Variants in DSCAM observed in about 807,000 individuals in gnomAD.
The protein encoded by DSCAM is DS cell adhesion molecule, also known as cell adhesion molecule DSCAM.
A neutral mutation model predicts 217.7 loss-of-function variants in DSCAM; 47 were observed. The ratio of observed to expected loss-of-function variants is 0.22; its 90% CI spans 0.17 to 0.28. The LOEUF (loss-of-function observed/expected upper bound fraction) is 0.28. Among genes scored for constraint, DSCAM ranks in the 10% least tolerant of loss-of-function variants. The pLI is 1.00. For missense variants in DSCAM, 2,080 were observed against 2,618.3 expected (o/e 0.79, Z 4.49); for synonymous variants, 1,056 against 1,015.3 (o/e 1.04, Z -0.76).
At chr21:40,525,771 A>G (rs1289826324) in intron 3 of DSCAM, among the ~76,000 whole-genome samples, 1 of 152,230 alleles carries the variant, frequency 6.6e-6, no homozygotes. Context: ...CAGAAAATTC[A>G]CTTAATGTTT....
At chr21:40,381,108 G>T (rs1056404757) in intron 3 of DSCAM, among the ~76,000 whole-genome samples, 3 of 139,014 alleles carry the variant, frequency 2.2e-5, no homozygotes, top group Non-Finnish European at 4.7e-5. Context: ...ATAGGACATA[G>T]AACTCGCCTG....
intron 3 of DSCAM, among the ~76,000 whole-genome samples, chr21:40,434,780 T>C (rs1283596780): frequency 6.6e-6 from 1 of 152,124 alleles, no homozygotes; most frequent in African/African-American, 2.4e-5. Context: ...ATACAACATG[T>C]GTCACAAAAA....
In DSCAM at chr21:40,571,003, T is replaced by A. The variant is rs115694551; in HGVS notation, c.508+121807A>T. 1.5e-3 allele frequency among the ~76,000 whole-genome samples: 227 copies of A among 152,172 alleles called. 1 individual carries two copies. Among genetic ancestry groups the A allele is most frequent in the African/African-American group, 5.3e-3 (222 of 41,532 alleles). On this transcript the variant is annotated intron_variant, in intron 3 of 32. Transcript: ENST00000400454. ...AGTTAAGGAAATACAGCAAGGTACATACCCAAGAAGATTAGCAAACCACAA... is the reference window on the plus strand; with the variant it reads ...AGTTAAGGAAATACAGCAAGGTACAAACCCAAGAAGATTAGCAAACCACAA...
chr21:40,124,454 G>T (rs114744513), intron 19 of DSCAM, 126 bp from the exon 20 acceptor site: 2 of 1,213,764 alleles, frequency 1.6e-6, no homozygotes, highest in South Asian at 1.4e-5. Flanking sequence ...TATGGGTTCC[G>T]CTGTGTCCCC....
intron 3 of DSCAM, among the ~76,000 whole-genome samples, chr21:40,620,217 GA>G (rs2089477967): frequency 1.2e-5 from 1 of 81,264 alleles, no homozygotes; most frequent in Non-Finnish European, 2.5e-5. Context: ...GAAAGAGAGA[GA>G]AAAAAGAAAA....
At chr21:40,192,390 G>T (rs902540751) in intron 11 of DSCAM, among the ~76,000 whole-genome samples, 1 of 152,176 alleles carries the variant, frequency 6.6e-6, no homozygotes, top group Non-Finnish European at 1.5e-5. Context: ...TCGTGATAGT[G>T]AGTGAGGTCT....
intron 21 of DSCAM, 21 bp from the exon 22 acceptor site, chr21:40,087,308 G>C (rs201942844): frequency 3.7e-5 from 59 of 1,580,522 alleles, no homozygotes; most frequent in Non-Finnish European, 1.8e-5. Flanking sequence ...AAACAAAGTG[G>C]AATCCTGATT....
At chr21:40,534,523 G>A (rs1037831218) in intron 3 of DSCAM, among the ~76,000 whole-genome samples, 3 of 152,118 alleles carry the variant, frequency 2.0e-5, no homozygotes, top group Admixed American at 6.5e-5. Flanking sequence ...TGTGTACCCC[G>A]CCTTGATGTG....
chr21:40,705,963 G>A (rs2735316), intron 2 of DSCAM, among the ~76,000 whole-genome samples: 4 of 152,026 alleles, frequency 2.6e-5, no homozygotes, highest in African/African-American at 4.8e-5. Flanking sequence ...GGCAGATCAC[G>A]AGGTCAGGAG....
chr21:40,132,489 A>T (rs1809731103), intron 19 of DSCAM, among the ~76,000 whole-genome samples: 1 of 152,242 alleles, frequency 6.6e-6, no homozygotes, highest in Non-Finnish European at 1.5e-5. Flanking sequence ...TAGATTCCCT[A>T]AATAATCCAA....
chr21:40,143,527 C>G (rs1281563356), intron 17 of DSCAM, among the ~76,000 whole-genome samples: 1 of 152,222 alleles, frequency 6.6e-6, no homozygotes, highest in African/African-American at 2.4e-5. Context: ...CGCGGTGGCT[C>G]ACGCCTCTAA....
intron 3 of DSCAM, among the ~76,000 whole-genome samples, chr21:40,676,481 G>A (rs2090339988): frequency 6.6e-6 from 1 of 152,234 alleles, no homozygotes; most frequent in African/African-American, 2.4e-5. Flanking sequence ...CGATGGAATT[G>A]TGTCGAATTC....
chr21:40,090,450 C>T (rs2089593266), intron 21 of DSCAM, among the ~76,000 whole-genome samples: 1 of 152,142 alleles, frequency 6.6e-6, no homozygotes, highest in Non-Finnish European at 1.5e-5. Context: ...CCCTCCACAC[C>T]CACTGATGCT....
At chr21:40,417,815 A>T (rs1169652608) in intron 3 of DSCAM, among the ~76,000 whole-genome samples, 1 of 152,212 alleles carries the variant, frequency 6.6e-6, no homozygotes, top group Non-Finnish European at 1.5e-5. Flanking sequence ...TGAAGAAAGG[A>T]TCACAATAAC....
At chr21:40,013,551 G>A (rs1005618337) in intron 32 of DSCAM, among the ~76,000 whole-genome samples, 165 bp from the exon 33 acceptor site, 2 of 152,104 alleles carry the variant, frequency 1.3e-5, no homozygotes, top group Admixed American at 6.5e-5. Flanking sequence ...AAAGACAGGT[G>A]GAATCGTCCT....
chr21:40,077,402 T>C (rs75426753), intron 26 of DSCAM, among the ~76,000 whole-genome samples: 8,745 of 152,230 alleles, frequency 0.057, 647 homozygotes, highest in East Asian at 0.27. Flanking sequence ...CCGGACATTA[T>C]AGGAGAAATT....
intron 32 of DSCAM, among the ~76,000 whole-genome samples, chr21:40,026,069 G>GT (rs2088375565): frequency 7.0e-6 from 1 of 141,948 alleles, no homozygotes; most frequent in Non-Finnish European, 1.6e-5. Context: ...CTGGTATGTT[G>GT]TGTCTTTGTT....
chr21:40,124,437 T>G (rs2090072301), intron 19 of DSCAM, 109 bp from the exon 20 acceptor site: 1 of 1,414,856 alleles, frequency 7.1e-7, no homozygotes, highest in Non-Finnish European at 9.7e-7. Context: ...TCTTTCAGGA[T>G]GAGCGTTATG....
intron 8 of DSCAM, among the ~76,000 whole-genome samples, chr21:40,325,944 A>G (rs1029189967): frequency 6.6e-6 from 1 of 152,116 alleles, no homozygotes; most frequent in Non-Finnish European, 1.5e-5. Context: ...TTTATAAGAT[A>G]CCCATGGTAG....
Sources: allele counts gnomAD v4.1 joint callset (sites outside exome capture counted in the v4.1 genomes callset), GRCh38; gene constraint gnomAD v4.1.1; transcripts MANE v1.5; gene names NCBI Gene and HGNC (gene_info 2026-07-23, HGNC 2026-07-21).